The following RPL31 variants were observed in gnomAD, a reference collection of about 807,000 sequenced individuals.
RPL31 encodes the protein large ribosomal subunit protein eL31.
For missense variants in RPL31, 95 were observed against 164.0 expected, an observed-to-expected ratio of 0.58 and a Z score of 2.30; for synonymous variants, 51 against 55.0, an observed-to-expected ratio of 0.93 and a Z score of 0.32.
chr2:101,018,005 T>C, intron 4 of RPL31: 1 of 1,410,902 alleles, frequency 7.1e-7, no homozygotes, highest in South Asian at 1.3e-5. Flanking sequence ...GCAATTCTAC[T>C]TCAAGCATGT....
downstream of RPL31, chr2:101,008,319 G>A (rs1678901903): frequency 1.4e-6 from 2 of 1,431,584 alleles, no homozygotes; most frequent in Non-Finnish European, 9.2e-7. Context: ...CAGGGTGGAA[G>A]TGTCATTTTT....
intron 4 of RPL31, chr2:101,018,934 G>T: frequency 6.3e-7 from 1 of 1,581,810 alleles, no homozygotes. Context: ...TAATCTTCTG[G>T]AATGCTCTTC....
chr2:101,011,229 CA>C, downstream of RPL31: 1 of 685,252 alleles, frequency 1.5e-6, no homozygotes, highest in Non-Finnish European at 2.4e-6. Context: ...CGTGAAACAG[CA>C]AACAGGAGGA....
At chr2:101,007,688 T>G, downstream of RPL31, 1 of 899,604 alleles carries the variant, frequency 1.1e-6, no homozygotes, top group Non-Finnish European at 1.7e-6. Flanking sequence ...CTGGCCACAG[T>G]TTGTCAGGTT....
chr2:101,011,567 TAAAC>T (rs1329128122), downstream of RPL31: 1 of 1,611,840 alleles, frequency 6.2e-7, no homozygotes, highest in Non-Finnish European at 8.5e-7. Context: ...AGGTTTAAAT[TAAAC>T]AAATTTTCTG....
chr2:101,005,685 A>G (rs1481306737), intron 3 of RPL31: 2 of 432,298 alleles, frequency 4.6e-6, no homozygotes, highest in East Asian at 9.0e-5. Context: ...CATTTGGACC[A>G]TTTGGACCCA....
At chr2:101,004,417 G>T in intron 3 of RPL31, 134 bp downstream of exon 3, 1 of 895,090 alleles carries the variant, frequency 1.1e-6, no homozygotes, top group Non-Finnish European at 1.7e-6. Context: ...TACTGTGACC[G>T]TGACTTAGGG....
downstream of RPL31, chr2:101,010,837 G>A (rs547080498): frequency 2.1e-5 from 22 of 1,035,812 alleles, no homozygotes; most frequent in East Asian, 2.0e-4. Context: ...GGCTGAGATC[G>A]CGCCACTGTA....
downstream of RPL31, chr2:101,011,559 G>A: frequency 6.2e-7 from 1 of 1,612,972 alleles, no homozygotes; most frequent in Non-Finnish European, 8.5e-7. Context: ...AAGATGAGAG[G>A]TTTAAATTAA....
downstream of RPL31, chr2:101,011,301 C>A (rs1465706783): frequency 2.4e-6 from 2 of 837,516 alleles, no homozygotes; most frequent in Middle Eastern, 3.5e-4. Context: ...AGGAGCACTT[C>A]TGTCCTCTAA....
At chr2:101,002,347 G>A (rs1478388601) in intron 1 of RPL31, 32 bp downstream of exon 1, 3 of 224,218 alleles carry the variant, frequency 1.3e-5, no homozygotes, top group Non-Finnish European at 1.8e-5. Flanking sequence ...TGGGCTCCTG[G>A]AATCCAGCCC....
At chr2:101,011,344 A>C, downstream of RPL31, 2 of 1,151,144 alleles carry the variant, frequency 1.7e-6, no homozygotes, top group Non-Finnish European at 2.6e-6. Context: ...TCATTGGACG[A>C]AGGGAAAAGA....
At chr2:101,009,238 A>G (rs1051237808), downstream of RPL31, among the ~76,000 whole-genome samples, 1 of 152,086 alleles carries the variant, frequency 6.6e-6, no homozygotes, top group African/African-American at 2.4e-5. Context: ...CCCTGTCTCT[A>G]TTAAAAATAC....
chr2:101,009,838 T>C (rs1291763559), downstream of RPL31, among the ~76,000 whole-genome samples: 1 of 151,506 alleles, frequency 6.6e-6, no homozygotes, highest in Non-Finnish European at 1.5e-5. Flanking sequence ...TTTTTTTTTT[T>C]TGAGATGGAG....
intron 4 of RPL31, chr2:101,017,998 A>G (rs1441407285): frequency 2.8e-6 from 4 of 1,447,638 alleles, no homozygotes; most frequent in Non-Finnish European, 3.8e-6. Context: ...AATGCTCGCA[A>G]TTCTACTTCA....
At chr2:101,003,130 A>G (rs1388537565) in intron 2 of RPL31, among the ~76,000 whole-genome samples, 1 of 152,194 alleles carries the variant, frequency 6.6e-6, no homozygotes, top group Non-Finnish European at 1.5e-5. Context: ...TAGGTTAGAA[A>G]TCAAGAGTTC....
intron 4 of RPL31, chr2:101,017,729 C>T (rs1558622299): frequency 1.0e-6 from 1 of 983,748 alleles, no homozygotes; most frequent in Non-Finnish European, 1.5e-6. Flanking sequence ...ATCACTTTAT[C>T]ACAGGCAAGA....
exon 5 of RPL31, chr2:101,019,128 C>A: frequency 6.6e-7 from 1 of 1,522,862 alleles, no homozygotes; most frequent in Non-Finnish European, 8.9e-7. Context: ...ACCAAGCTCA[C>A]CGAGGACGTC....
At chr2:101,017,089 AAGAC>A (rs1427477451) in intron 4 of RPL31, among the ~76,000 whole-genome samples, 3 of 98,068 alleles carry the variant, frequency 3.1e-5, no homozygotes, top group Non-Finnish European at 7.7e-5. Context: ...AAAAAAAAAA[AAGAC>A]AAACACGCAC....
Sources: gnomAD v4.1 joint callset for allele counts (sites outside exome capture counted in the v4.1 genomes callset) on GRCh38, gnomAD v4.1.1 for gene constraint, MANE v1.5 for transcripts, NCBI Gene and HGNC (gene_info 2026-07-23, HGNC 2026-07-21) for gene names.